The following EDAR variants were observed in gnomAD, a reference collection of about 807,000 sequenced individuals.
EDAR encodes tumor necrosis factor receptor superfamily member EDAR.
A neutral mutation model predicts 51.3 loss-of-function variants in EDAR; 38 were observed. The observed-to-expected ratio is 0.74, with a 90% CI of 0.57 to 0.97. The LOEUF (loss-of-function observed/expected upper bound fraction) is 0.97, where lower values mean the gene tolerates loss of function less well. EDAR is among the 50% of genes least tolerant of loss of function. The probability of loss-of-function intolerance (pLI) is 0.00; values close to 1 mark genes in which losing one functional copy is unlikely to be tolerated. For missense variants in EDAR, 528 were observed against 595.0 expected, an observed-to-expected ratio of 0.89 and a Z score of 1.17; for synonymous variants, 227 against 242.1, an observed-to-expected ratio of 0.94 and a Z score of 0.58.
intron 1 of EDAR, among the ~76,000 whole-genome samples, chr2:108,934,128 A>G (rs1413260235): frequency 6.6e-6 from 1 of 152,226 alleles, no homozygotes; most frequent in Non-Finnish European, 1.5e-5. Flanking sequence ...AAACGTTCCC[A>G]GGTAAACCCA....
At chr2:108,952,891 CT>C (rs968600903) in intron 1 of EDAR, among the ~76,000 whole-genome samples, 1 of 152,150 alleles carries the variant, frequency 6.6e-6, no homozygotes, top group African/African-American at 2.4e-5. Context: ...TCAGTCTTGA[CT>C]TTTTTCTTTA....
chr2:108,931,241 T>G (rs1697361406), intron 1 of EDAR, among the ~76,000 whole-genome samples: 1 of 152,216 alleles, frequency 6.6e-6, no homozygotes, highest in South Asian at 2.1e-4. Flanking sequence ...CAGCCATGCC[T>G]GGGAGGGAGC....
chr2:108,926,747 C>T lies in EDAR; in HGVS notation c.356+2451G>A, dbSNP rs375004749. Among the ~76,000 whole-genome samples the T allele has an allele frequency of 7.9e-5, 12 of 152,342 alleles. 1 individual carries two copies. The East Asian group carries it at 9.6e-4, about 12-fold the overall frequency. ...TGTCCTGGCCACACTGTGGGGAGGG[C>T]GGAGCATCAGGAGAAGCACCTGCCA... On this transcript the variant is annotated intron_variant, in intron 4 of 11. Transcript: ENST00000258443.
intron 1 of EDAR, among the ~76,000 whole-genome samples, chr2:108,987,820 C>G (rs1221382680): frequency 6.6e-6 from 1 of 152,240 alleles, no homozygotes; most frequent in African/African-American, 2.4e-5. Flanking sequence ...CAGAGTCACT[C>G]TCTTTTTGGT....
At chr2:108,942,708 C>T (rs1018177852) in intron 1 of EDAR, among the ~76,000 whole-genome samples, 9 of 152,256 alleles carry the variant, frequency 5.9e-5, no homozygotes, top group African/African-American at 1.7e-4. Context: ...CCCGCCTCTC[C>T]TTTTACCACG....
At chr2:108,921,000 T>C (rs767292833) in intron 5 of EDAR, among the ~76,000 whole-genome samples, 1 of 152,088 alleles carries the variant, frequency 6.6e-6, no homozygotes, top group Non-Finnish European at 1.5e-5. Flanking sequence ...CCAAACTTGT[T>C]AAAAATGTAC....
chr2:108,952,607 A>G (rs1406963566), intron 1 of EDAR, among the ~76,000 whole-genome samples: 1 of 152,184 alleles, frequency 6.6e-6, no homozygotes, highest in African/African-American at 2.4e-5. Flanking sequence ...CCATCTGTTC[A>G]CTCATTAAAT....
intron 5 of EDAR, among the ~76,000 whole-genome samples, chr2:108,917,737 C>T (rs1040165299): frequency 2.0e-5 from 3 of 152,118 alleles, no homozygotes; most frequent in African/African-American, 7.2e-5. Context: ...ACAAGTGTCT[C>T]ACCTCTGCTT....
intron 3 of EDAR, 35 bp downstream of exon 3, chr2:108,930,085 G>A (rs1324522060): frequency 4.4e-6 from 7 of 1,600,608 alleles, no homozygotes; most frequent in Non-Finnish European, 5.1e-6. Context: ...CCTCCCCTGA[G>A]AGCGCACCAG....
chr2:108,916,572 A>G (rs1697031729), intron 5 of EDAR, among the ~76,000 whole-genome samples: 1 of 152,016 alleles, frequency 6.6e-6, no homozygotes. Flanking sequence ...GTTCCCTCCA[A>G]ACACCTCCAG....
chr2:108,974,790 G>C (rs1698294183), intron 1 of EDAR, among the ~76,000 whole-genome samples: 1 of 152,118 alleles, frequency 6.6e-6, no homozygotes, highest in African/African-American at 2.4e-5. Flanking sequence ...AAACTGAGAG[G>C]GTAGAGGGAA....
intron 1 of EDAR, among the ~76,000 whole-genome samples, chr2:108,951,342 G>T (rs898215351): frequency 6.6e-6 from 1 of 152,204 alleles, no homozygotes; most frequent in Non-Finnish European, 1.5e-5. Flanking sequence ...TGGTCACAAA[G>T]AACTGAACCA....
intron 11 of EDAR, among the ~76,000 whole-genome samples, chr2:108,903,225 GA>G (rs1485016062): frequency 6.6e-6 from 1 of 151,788 alleles, no homozygotes; most frequent in South Asian, 2.1e-4. Flanking sequence ...CAATGCAGAT[GA>G]AAAAAAATTA....
At chr2:108,949,152 T>C (rs1452238279) in intron 1 of EDAR, among the ~76,000 whole-genome samples, 1 of 152,036 alleles carries the variant, frequency 6.6e-6, no homozygotes, top group African/African-American at 2.4e-5. Context: ...TAATTTTTTT[T>C]GTAGTTTTTT....
Position 108,974,329 on chromosome 2 carries a change from CAAAAAAAAAAAAAA to C in EDAR, c.-19+14617_-19+14630del, listed in dbSNP as rs11346592. 1.1e-4 allele frequency among the ~76,000 whole-genome samples: 7 copies of C among 61,526 alleles called. No individual in the cohort carries two copies. In the South Asian group the frequency reaches 5.2e-3, roughly 46 times the overall value. The allele number at this position is 61,526 out of a possible 152,430, so 40.4% of individuals were successfully genotyped here. On this transcript the variant is annotated intron_variant, in intron 1 of 11. Transcript: ENST00000258443. ...TGGGAGACAGAGCGAGGATCCGTCT[CAAAAAAAAAAAAAA>C]AAAAAAAAAAAGAAATGCCACATAT...
At chr2:108,930,902 G>T in intron 2 of EDAR, 62 bp downstream of exon 2, 1 of 1,575,680 alleles carries the variant, frequency 6.3e-7, no homozygotes, top group African/African-American at 1.3e-5. Context: ...AAGAGGCCAA[G>T]AAACAGTCCA....
At chr2:108,965,199 C>T (rs1470900084) in intron 1 of EDAR, among the ~76,000 whole-genome samples, 1 of 152,076 alleles carries the variant, frequency 6.6e-6, no homozygotes, top group African/African-American at 2.4e-5. Context: ...ACAAATGGGC[C>T]AGGCGCGGTG....
chr2:108,974,542 C>T (rs1338545594), intron 1 of EDAR, among the ~76,000 whole-genome samples: 1 of 150,510 alleles, frequency 6.6e-6, no homozygotes, highest in Non-Finnish European at 1.5e-5. Context: ...CCAGCCTGAC[C>T]AACATGATGA....
rs1390898885 is a variant in EDAR, at chr2:108,897,253, T to C, written c.1025-24A>G. On this transcript the variant is annotated intron_variant, in intron 11 of 11. Coordinates refer to ENST00000258443, the MANE Select transcript of EDAR (RefSeq NM_022336.4). The stretch of plus-strand genomic sequence containing the variant: ...ACCTACAGACACCAATGGCCACAGT[T>C]AGATGTTGCAAGTCACAGTCAATAG... The C allele has an allele frequency of 3.1e-6, 5 of 1,603,206 alleles. No homozygotes were observed. The East Asian group carries it at 8.9e-5, about 29-fold the overall frequency.
Sources: allele counts gnomAD v4.1 joint callset (sites outside exome capture counted in the v4.1 genomes callset), GRCh38; gene constraint gnomAD v4.1.1; transcripts MANE v1.5; gene names NCBI Gene and HGNC (gene_info 2026-07-23, HGNC 2026-07-21).